TRIM27: variants seen among roughly 807,000 people sequenced by gnomAD.
TRIM27 encodes tripartite motif containing 27.
A neutral mutation model predicts 57.6 loss-of-function variants in TRIM27; 12 were observed. The observed-to-expected ratio is 0.21, with a 90% CI of 0.13 to 0.34. The LOEUF (loss-of-function observed/expected upper bound fraction) is 0.34, where lower values mean the gene tolerates loss of function less well. Ranked by LOEUF, TRIM27 falls within the 10% of genes least tolerant of loss-of-function variation. TRIM27 has a pLI of 1.00. For missense variants in TRIM27, 403 were observed against 656.8 expected, an observed-to-expected ratio of 0.61 and a Z score of 4.22; for synonymous variants, 266 against 259.0, an observed-to-expected ratio of 1.03 and a Z score of -0.26.
In TRIM27 at chr6:28,923,282, C is replaced by T. The variant is rs1344189370; in HGVS notation, c.351G>A (p.Val117=). The change falls in exon 1 of 8, where the codon GTG becomes GTA. Residue 117 remains valine (V), a synonymous_variant. Coordinates refer to ENST00000377199, the MANE Select transcript of TRIM27 (RefSeq NM_006510.5). ...CEEDQMPICV[V]CDRSREHRGH... ...CGCGGTGCTCGCGGGAGCGGTCGCA[C>T]ACCACGCAGATGGGCATCTGGTCCT... 1.2e-6 allele frequency: 2 copies of T among 1,611,490 alleles called. No homozygotes were observed. Among genetic ancestry groups the T allele is most frequent in the South Asian group, 2.2e-5 (2 of 90,988 alleles).
At position 28,923,522 on chromosome 6, in the gene TRIM27, G is replaced by C; in HGVS notation, c.111C>G (p.Cys37Trp). ...TGCCCCAGCAGCGGGCGAGGCACGC[G>C]CAACAGATGTTATGGCCGCAGTCGA... is the stretch of plus-strand genomic sequence containing the variant. ...MMLDCGHNIC[C>W]ACLARCWGTA... is the part of the protein sequence containing the mutation. Residue 37 changes from cysteine (C) to tryptophan (W), a missense_variant, in exon 1 of 8, where the codon TGC becomes TGG. Cys to Trp is a radical substitution (Grantham distance 215). Coordinates refer to ENST00000377199, the MANE Select transcript of TRIM27 (RefSeq NM_006510.5). The C allele has an allele frequency of 5.0e-6, 8 of 1,611,804 alleles. No homozygotes were observed. Among genetic ancestry groups the C allele is most frequent in the Non-Finnish European group, 6.8e-6 (8 of 1,179,544 alleles).
Position 28,923,832 on chromosome 6 carries a change from CCCT to C in TRIM27, c.-203_-201del, listed in dbSNP as rs1774266730. On this transcript the variant is annotated 5_prime_UTR_variant, in exon 1 of 8. Transcript: ENST00000377199. ...CCGGGCCGATGCCTGCGCCTGTGCCCCCTAAGCGAGAGCGGGAATACGGCCGGC... is the reference window on the plus strand; with the variant it reads ...CCGGGCCGATGCCTGCGCCTGTGCCCAAGCGAGAGCGGGAATACGGCCGGC... 6 of 568,038 alleles carry C rather than the reference CCCT, an allele frequency of 1.1e-5. No individual in the cohort carries two copies. Among genetic ancestry groups the C allele is most frequent in the Non-Finnish European group, 1.8e-5 (6 of 338,176 alleles). The allele number at this position is 568,038 out of a possible 1,614,324, so 35.2% of individuals were successfully genotyped here. A position where few individuals can be genotyped will look rare whatever the true frequency, so the allele number is the denominator to read the frequency against.
At chr6:28,914,228 G>A (rs1459470016) in intron 3 of TRIM27, among the ~76,000 whole-genome samples, 2 of 149,360 alleles carry the variant, frequency 1.3e-5, no homozygotes, top group African/African-American at 2.5e-5. Flanking sequence ...TTCCACCTCC[G>A]GGTTCAAGAG....
At chr6:28,919,511 G>A (rs994825728) in intron 3 of TRIM27, among the ~76,000 whole-genome samples, 2 of 152,194 alleles carry the variant, frequency 1.3e-5, no homozygotes, top group Non-Finnish European at 2.9e-5. Context: ...TCTTGCCGGG[G>A]TAGGTCTGCT....
chr6:28,904,500 T>C lies in TRIM27; in HGVS notation c.1112A>G (p.His371Arg). 6.2e-7 allele frequency: 1 copy of C among 1,612,946 alleles called. No homozygotes were observed. The highest frequency in any genetic ancestry group is 8.5e-7 in the Non-Finnish European group (1 of 1,180,006). ...LGSPCFIAGR[H>R]YWEVEVGDKA... ...ATCTCCCACCTCTACCTCCCAATAA[T>C]GTCTCCCGGCGATGAAGCATGGAGA... Residue 371 changes from histidine (H) to arginine (R), a missense_variant, in exon 8 of 8, where the codon CAT becomes CGT. Transcript: ENST00000377199. The surrounding 1 kb of genome is among the most constrained non-coding windows in gnomAD (Gnocchi z 6.1).
intron 6 of TRIM27, chr6:28,907,700 G>A: frequency 2.4e-6 from 1 of 422,242 alleles, no homozygotes; most frequent in South Asian, 1.9e-5. Flanking sequence ...CATTTATAAG[G>A]CACTTTATAG....
rs1232170587 is a variant in TRIM27 at position 28,923,662 on chromosome 6, G to A, written c.-30C>T. On this transcript the variant is annotated 5_prime_UTR_variant, in exon 1 of 8. Coordinates refer to ENST00000377199, the MANE Select transcript of TRIM27 (RefSeq NM_006510.5). Reference sequence around the variant, plus strand: ...CCGGCCTGCGGGGGCGCACGGGCATGGGCCCCGGCGCCGAGCTCTGCACTG... The same window carrying A: ...CCGGCCTGCGGGGGCGCACGGGCATAGGCCCCGGCGCCGAGCTCTGCACTG... 6.6e-7 allele frequency: 1 copy of A among 1,510,934 alleles called. No homozygotes were observed. The highest frequency in any genetic ancestry group is 8.9e-7 in the Non-Finnish European group (1 of 1,124,608). The allele number at this position is 1,510,934 out of a possible 1,614,324, so 93.6% of individuals were successfully genotyped here.
intron 7 of TRIM27, 24 bp downstream of exon 7, chr6:28,907,212 A>G: frequency 6.2e-7 from 1 of 1,603,412 alleles, no homozygotes; most frequent in Non-Finnish European, 8.5e-7. Flanking sequence ...TTACCCTAAT[A>G]TGGTTTTGTC....
intron 4 of TRIM27, among the ~76,000 whole-genome samples, chr6:28,910,421 A>C (rs771478500): frequency 6.6e-6 from 1 of 152,054 alleles, no homozygotes; most frequent in Admixed American, 6.6e-5. Flanking sequence ...CCTCCGCCAC[A>C]AGAGTTTGAG....
At chr6:28,913,249 C>A (rs1403113150) in intron 3 of TRIM27, among the ~76,000 whole-genome samples, 1 of 131,582 alleles carries the variant, frequency 7.6e-6, no homozygotes, top group Non-Finnish European at 1.6e-5. Flanking sequence ...GAGTGAAACT[C>A]CATCTCAAAA....
At chr6:28,913,946 G>C (rs534644361) in intron 3 of TRIM27, among the ~76,000 whole-genome samples, 65 of 148,058 alleles carry the variant, frequency 4.4e-4, no homozygotes, top group African/African-American at 1.6e-3. Context: ...TAATTATATG[G>C]GCTTTAAAAT....
chr6:28,909,721 A>C (rs1192001813), intron 4 of TRIM27, among the ~76,000 whole-genome samples: 1 of 152,234 alleles, frequency 6.6e-6, no homozygotes, highest in African/African-American at 2.4e-5. Context: ...ATTAACCCGA[A>C]TTCTCAGGTT....
Position 28,903,163 on chromosome 6 carries a change from A to T in TRIM27, c.*907T>A, listed in dbSNP as rs967701904. Reference sequence around the variant, plus strand: ...GCCATGGGGACGGAGCTGCCCCTTGATAGGATGCACTTAAGCATGGTCAAT... The same window carrying T: ...GCCATGGGGACGGAGCTGCCCCTTGTTAGGATGCACTTAAGCATGGTCAAT... On this transcript the variant is annotated 3_prime_UTR_variant, in exon 8 of 8. Transcript: ENST00000377199. 1.3e-5 allele frequency: 3 copies of T among 232,290 alleles called. No individual in the cohort carries two copies. Among genetic ancestry groups the T allele is most frequent in the African/African-American group, 6.6e-5 (3 of 45,278 alleles). 14.4% of individuals were successfully genotyped at this position (232,290 alleles called of 1,614,324 possible).
At chr6:28,919,366 C>A (rs1239971258) in intron 3 of TRIM27, among the ~76,000 whole-genome samples, 1 of 152,138 alleles carries the variant, frequency 6.6e-6, no homozygotes, top group African/African-American at 2.4e-5. Context: ...TATCTGATCG[C>A]CACACTAAAA....
rs1049147649 is a variant in TRIM27, at chr6:28,903,041, C to T, written c.*1029G>A. ...CAGTTTATTTTTAAACAGAGGGGCA[C>T]GTACCCACAGAGAAGCAGGACTGAG... On this transcript the variant is annotated 3_prime_UTR_variant, in exon 8 of 8. Coordinates refer to ENST00000377199, the MANE Select transcript of TRIM27 (RefSeq NM_006510.5). 3.1e-5 allele frequency: 7 copies of T among 223,478 alleles called. No homozygotes were observed. The highest frequency in any genetic ancestry group is 8.9e-5 in the African/African-American group (4 of 44,714). 13.8% of individuals were successfully genotyped at this position (223,478 alleles called of 1,614,324 possible).
chr6:28,908,596 A>G, intron 6 of TRIM27: 2 of 515,176 alleles, frequency 3.9e-6, no homozygotes, highest in South Asian at 3.4e-5. Flanking sequence ...ATCAATGCAG[A>G]CTGCGAATTG....
At position 28,923,425 on chromosome 6, in the gene TRIM27, G is replaced by C. The variant is rs1581523636; in HGVS notation, c.208C>G (p.His70Asp). 1 of 1,612,138 alleles carries C rather than the reference G, an allele frequency of 6.2e-7. No individual in the cohort carries two copies. The highest frequency in any genetic ancestry group is 8.5e-7 in the Non-Finnish European group (1 of 1,179,400). ...ACCAGTTGGGTCACGTTGGCCAGGT[G>C]CCGGTTGGGCCGCATGTGCCTCTGC... ...FPQRHMRPNR[H>D]LANVTQLVKQ... is the part of the protein sequence containing the mutation. Residue 70 changes from histidine (H) to aspartate (D), a missense_variant, in exon 1 of 8, where the codon CAC (histidine) becomes GAC (aspartate). Transcript: ENST00000377199.
At chr6:28,915,286 AT>A (rs1351365431) in intron 3 of TRIM27, 6 of 141,504 alleles carry the variant, frequency 4.2e-5, no homozygotes, top group East Asian at 2.1e-4. Flanking sequence ...GTTTAAAAAA[AT>A]ATTCTTAAAA....
chr6:28,918,496 T>C (rs1022160185), intron 3 of TRIM27, among the ~76,000 whole-genome samples: 1 of 152,184 alleles, frequency 6.6e-6, no homozygotes, highest in Non-Finnish European at 1.5e-5. Flanking sequence ...TGCATTACTA[T>C]GCTGTCCACT....
Sources: gnomAD v4.1 joint callset for allele counts (sites outside exome capture counted in the v4.1 genomes callset) on GRCh38, gnomAD v4.1.1 for gene constraint, Gnocchi (gnomAD v3.1) non-coding constraint, MANE v1.5 for transcripts, NCBI Gene and HGNC (gene_info 2026-07-23, HGNC 2026-07-21) for gene names.